FMN2: variants seen among roughly 807,000 people sequenced by gnomAD.
FMN2 encodes formin-2.
FMN2 carries 51 observed loss-of-function variants against 142.3 expected under a neutral mutation model. That is an observed-to-expected ratio of 0.36 (90% CI 0.29 to 0.45). The LOEUF (loss-of-function observed/expected upper bound fraction) is 0.45, where lower values mean the gene tolerates loss of function less well. FMN2 is among the 20% of genes least tolerant of loss of function. The probability of loss-of-function intolerance (pLI) is 1.00; values close to 1 mark genes in which losing one functional copy is unlikely to be tolerated. For missense variants in FMN2, 1,936 were observed against 2,122.8 expected (o/e 0.91, Z 1.73); for synonymous variants, 882 against 869.8 (o/e 1.01, Z -0.25).
rs1672876266 is a variant in FMN2 at position 240,371,817 on chromosome 1, TC to T, written c.4858+15911del. 2.0e-5 allele frequency among the ~76,000 whole-genome samples: 3 copies of T among 152,296 alleles called. No homozygotes were observed. The South Asian group carries it at 6.2e-4, about 32-fold the overall frequency. ...TACGTTGTCTATGGTTTCCTAAGTC[TC>T]CTCTGAAGATAAGCAACACTTGTGA... On this transcript the variant is annotated intron_variant, in intron 14 of 17. Coordinates refer to ENST00000319653, the MANE Select transcript of FMN2 (RefSeq NM_020066.5).
At chr1:240,180,163 T>G in intron 3 of FMN2, 5 of 1,285,120 alleles carry the variant, frequency 3.9e-6, no homozygotes, top group Non-Finnish European at 5.1e-6. Context: ...AAATGCATTC[T>G]TGAAGAGGAT....
intron 14 of FMN2, among the ~76,000 whole-genome samples, chr1:240,359,581 T>C (rs980176035): frequency 2.0e-5 from 3 of 152,192 alleles, no homozygotes; most frequent in Admixed American, 6.5e-5. Flanking sequence ...CCATTCAATT[T>C]TCCCTCCCTA....
intron 7 of FMN2, among the ~76,000 whole-genome samples, chr1:240,262,565 G>A (rs1668665974): frequency 6.6e-6 from 1 of 152,090 alleles, no homozygotes; most frequent in African/African-American, 2.4e-5. Flanking sequence ...AGGGGTCAGT[G>A]TGCTCTTCAC....
chr1:240,228,327 A>AAAGAAAAGAAAAAG (rs1553346276), intron 6 of FMN2, among the ~76,000 whole-genome samples: 2 of 78,390 alleles, frequency 2.6e-5, no homozygotes, highest in Non-Finnish European at 2.3e-5. Context: ...AAAAAAAAAA[A>AAAGAAAAGAAAAAG]AAAAAGAAAA....
At position 240,290,101 on chromosome 1, in the gene FMN2, A is replaced by G. The variant is rs187317781; in HGVS notation, c.4154-4721A>G. On this transcript the variant is annotated intron_variant, in intron 7 of 17. Transcript: ENST00000319653. ...TGGGACTGTTTCTTATGTTGAGTCT[A>G]TAATGCTTGGTTGTTTTGAATTGCT... is the stretch of plus-strand genomic sequence containing the variant. Among the ~76,000 whole-genome samples, 723 of 152,328 alleles carry G rather than the reference A, an allele frequency of 4.7e-3. 8 individuals are homozygous for G. The highest frequency in any genetic ancestry group is 0.025 in the South Asian group (121 of 4,828).
chr1:240,357,446 A>T (rs530652100), intron 14 of FMN2, among the ~76,000 whole-genome samples: 8 of 152,306 alleles, frequency 5.3e-5, no homozygotes, highest in African/African-American at 1.4e-4. Context: ...CAAAACACAG[A>T]TGATCAGCCG....
intron 2 of FMN2, among the ~76,000 whole-genome samples, chr1:240,172,369 G>T (rs1664738857): frequency 6.6e-6 from 1 of 152,162 alleles, no homozygotes; most frequent in South Asian, 2.1e-4. Context: ...TTTAGTGCTG[G>T]TTAAGTAGAG....
At position 240,325,570 on chromosome 1, in the gene FMN2, C is replaced by T. The variant is rs115084143; in HGVS notation, c.4216-3506C>T. On this transcript the variant is annotated intron_variant, in intron 8 of 17. Coordinates refer to ENST00000319653, the MANE Select transcript of FMN2 (RefSeq NM_020066.5). ...TAGTGTCAGTTAACTCCAAAACTGA[C>T]ACACATGGGGCTTTTATAGTTATTT... Among the ~76,000 whole-genome samples, 765 of 152,274 alleles carry T rather than the reference C, an allele frequency of 5.0e-3. 1 individual carries two copies. The highest frequency in any genetic ancestry group is 9.2e-3 in the Non-Finnish European group (627 of 68,026).
In FMN2 at chr1:240,208,266, C is replaced by G; in HGVS notation, c.3454C>G (p.Pro1152Ala). The G allele has an allele frequency of 2.8e-6, 1 of 356,454 alleles. No homozygotes were observed. Among genetic ancestry groups the G allele is most frequent in the Non-Finnish European group, 4.6e-6 (1 of 218,118 alleles). 22.1% of individuals were successfully genotyped at this position (356,454 alleles called of 1,614,324 possible). ...PPPPLPRVGI[P>A]PPPPLPGAGI... Reference sequence around the variant, plus strand: ...ACCCCCTCTACCCAGAGTGGGCATACCCCCTCCGCCCCCACTTCCCGGAGC... The same window carrying G: ...ACCCCCTCTACCCAGAGTGGGCATAGCCCCTCCGCCCCCACTTCCCGGAGC... Residue 1152 changes from proline to alanine, a missense_variant, in exon 5 of 18, where the codon CCC (proline) becomes GCC (alanine). Around this residue, in one of 8 missense-constraint regions of FMN2, gnomAD observed 56 missense variants for 111.8 expected, o/e 0.50. Transcript: ENST00000319653.
At chr1:240,410,261 A>G (rs1360355720) in intron 15 of FMN2, among the ~76,000 whole-genome samples, 1 of 152,206 alleles carries the variant, frequency 6.6e-6, no homozygotes, top group Non-Finnish European at 1.5e-5. Flanking sequence ...TTTTAATTCC[A>G]TCCAAAAATA....
chr1:240,434,654 C>T (rs1572306863), intron 15 of FMN2, among the ~76,000 whole-genome samples: 1 of 151,582 alleles, frequency 6.6e-6, no homozygotes, highest in Admixed American at 6.6e-5. Flanking sequence ...CTCCGCCTCC[C>T]GGGTTCATGC....
intron 4 of FMN2, among the ~76,000 whole-genome samples, 188 bp from the exon 5 acceptor site, chr1:240,206,611 A>T (rs1558359619): frequency 6.6e-6 from 1 of 152,216 alleles, no homozygotes; most frequent in East Asian, 1.9e-4. Flanking sequence ...GTGGTAAGTC[A>T]CGTGTGTTAA....
chr1:240,168,746 A>G (rs1381134715), intron 2 of FMN2, among the ~76,000 whole-genome samples: 3 of 152,218 alleles, frequency 2.0e-5, no homozygotes, highest in African/African-American at 7.2e-5. Context: ...TAAAGAAAAG[A>G]AAAAACAATA....
intron 15 of FMN2, among the ~76,000 whole-genome samples, chr1:240,436,143 T>C (rs1675361340): frequency 6.6e-6 from 1 of 152,132 alleles, no homozygotes; most frequent in South Asian, 2.1e-4. Context: ...TTCCGCCAGG[T>C]GCATTCTAAC....
intron 15 of FMN2, among the ~76,000 whole-genome samples, chr1:240,431,439 CAT>C (rs1675174185): frequency 7.0e-6 from 1 of 142,168 alleles, no homozygotes; most frequent in African/African-American, 2.9e-5. Flanking sequence ...TATATACACA[CAT>C]ATATATGTTT....
chr1:240,342,821 A>G (rs1671785247), intron 13 of FMN2, among the ~76,000 whole-genome samples: 1 of 152,194 alleles, frequency 6.6e-6, no homozygotes, highest in South Asian at 2.1e-4. Context: ...TCATAGACTA[A>G]AAAGAGGACT....
chr1:240,091,977 C>A lies in FMN2; in HGVS notation c.-133C>A. ...GCGGGGCCAGCCGGGCGCGCGTCGG[C>A]CTCCCCTCCCAGCGGCTCCCCCCGC... On this transcript the variant is annotated 5_prime_UTR_variant, in exon 1 of 18. Transcript: ENST00000319653. 7.4e-7 allele frequency: 1 copy of A among 1,358,188 alleles called. No individual in the cohort carries two copies. Among genetic ancestry groups the A allele is most frequent in the Non-Finnish European group, 9.5e-7 (1 of 1,057,440 alleles). 84.1% of individuals were successfully genotyped at this position (1,358,188 alleles called of 1,614,324 possible). A position where few individuals can be genotyped will look rare whatever the true frequency, so the allele number is the denominator to read the frequency against.
intron 8 of FMN2, among the ~76,000 whole-genome samples, chr1:240,323,135 CCTTTT>C (rs1671032141): frequency 6.6e-6 from 1 of 150,482 alleles, no homozygotes; most frequent in South Asian, 2.1e-4. Flanking sequence ...TTCCTTCCTT[CCTTTT>C]CCTTTCCTTT....
chr1:240,145,576 C>G (rs1202194601), intron 2 of FMN2, among the ~76,000 whole-genome samples: 4 of 111,486 alleles, frequency 3.6e-5, no homozygotes, highest in Non-Finnish European at 6.7e-5. Context: ...GGGTCTTGCT[C>G]TGTGACCCAG....
Sources: allele counts gnomAD v4.1 joint callset (sites outside exome capture counted in the v4.1 genomes callset), GRCh38; gene constraint gnomAD v4.1.1; regional missense constraint gnomAD v4.1.1; transcripts MANE v1.5; gene names NCBI Gene and HGNC (gene_info 2026-07-23, HGNC 2026-07-21).